The following PHF21A variants were observed in gnomAD, a reference collection of about 807,000 sequenced individuals.
PHF21A encodes the protein BHC80a.
A neutral mutation model predicts 82.5 loss-of-function variants in PHF21A; 11 were observed. The ratio of observed to expected loss-of-function variants is 0.13; its 90% CI spans 0.08 to 0.22. The LOEUF (loss-of-function observed/expected upper bound fraction) is 0.22, where lower values mean the gene tolerates loss of function less well. Ranked by LOEUF, PHF21A falls within the 10% of genes least tolerant of loss-of-function variation. PHF21A has a pLI of 1.00. For synonymous variants in PHF21A, 297 were observed against 302.8 expected (o/e 0.98, Z 0.20); for missense variants, 579 against 837.8 (o/e 0.69, Z 3.81).
At chr11:46,077,700 A>G (rs1192753709) in intron 5 of PHF21A, among the ~76,000 whole-genome samples, 1 of 152,188 alleles carries the variant, frequency 6.6e-6, no homozygotes, top group Non-Finnish European at 1.5e-5. Context: ...CTCCAATGAG[A>G]TCACCCACAC....
At chr11:46,076,885 G>T in intron 5 of PHF21A, 66 bp from the exon 6 acceptor site, 1 of 1,261,782 alleles carries the variant, frequency 7.9e-7, no homozygotes, top group Non-Finnish European at 1.2e-6. Flanking sequence ...GTAGCAGGAA[G>T]ACTATGCATA....
In PHF21A at chr11:46,059,989, C is replaced by G. The variant is rs543374951; in HGVS notation, c.153+16765G>C. Among the ~76,000 whole-genome samples, 176 of 152,254 alleles carry G rather than the reference C, an allele frequency of 1.2e-3. 1 individual carries two copies. Among genetic ancestry groups the G allele is most frequent in the African/African-American group, 3.9e-3 (164 of 41,546 alleles). On this transcript the variant is annotated intron_variant, in intron 6 of 18. Transcript: ENST00000676320. ...AAACTCCTGACCTCAGGTGATCCAC[C>G]CACCTCGGCCTCCAAAGCGCTGGGA...
At chr11:45,964,538 C>T (rs993157954) in intron 10 of PHF21A, among the ~76,000 whole-genome samples, 5 of 152,144 alleles carry the variant, frequency 3.3e-5, no homozygotes, top group Admixed American at 2.6e-4. Flanking sequence ...CAAGACTGAA[C>T]AATTAGAAAT....
chr11:46,056,299 C>G (rs917978326), intron 6 of PHF21A, among the ~76,000 whole-genome samples: 3 of 152,198 alleles, frequency 2.0e-5, no homozygotes, highest in Middle Eastern at 3.4e-3. Context: ...GCAGGGGATT[C>G]AGAGAGTAAA....
At chr11:45,945,629 G>C (rs2091175958) in intron 15 of PHF21A, among the ~76,000 whole-genome samples, 1 of 152,120 alleles carries the variant, frequency 6.6e-6, no homozygotes, top group African/African-American at 2.4e-5. Flanking sequence ...TGAGTTCCAT[G>C]AGGTTATATT....
At chr11:46,044,454 T>C (rs1220267068) in intron 6 of PHF21A, among the ~76,000 whole-genome samples, 1 of 151,920 alleles carries the variant, frequency 6.6e-6, no homozygotes, top group Non-Finnish European at 1.5e-5. Context: ...CCCTCCCCTT[T>C]CCACCCCCAT....
intron 11 of PHF21A, among the ~76,000 whole-genome samples, chr11:45,951,452 C>G (rs1415467782): frequency 6.6e-6 from 1 of 152,202 alleles, no homozygotes; most frequent in African/African-American, 2.4e-5. Context: ...TTTCTTATTT[C>G]AAAAACTGAG....
intron 10 of PHF21A, among the ~76,000 whole-genome samples, chr11:45,961,635 C>T (rs1273700461): frequency 2.9e-5 from 1 of 35,018 alleles, no homozygotes; most frequent in African/African-American, 5.8e-5. Flanking sequence ...TCTGAATTGA[C>T]GACATGTTAC....
chr11:46,033,500 G>A (rs2095911974), intron 6 of PHF21A, among the ~76,000 whole-genome samples: 1 of 152,178 alleles, frequency 6.6e-6, no homozygotes, highest in South Asian at 2.1e-4. Context: ...CTGGGCTCAA[G>A]CAATCCACCG....
At chr11:45,935,014 C>T (rs2088525488) in intron 18 of PHF21A, 1 of 838,218 alleles carries the variant, frequency 1.2e-6, no homozygotes, top group Admixed American at 2.3e-5. Flanking sequence ...GGGTGACCTA[C>T]TCAATGGAAA....
chr11:46,015,435 G>C (rs1471743809), intron 6 of PHF21A, among the ~76,000 whole-genome samples: 1 of 151,950 alleles, frequency 6.6e-6, no homozygotes, highest in South Asian at 2.1e-4. Flanking sequence ...TTCCAGAAAA[G>C]TATTTCCAAG....
At chr11:46,030,980 TC>T (rs1483966543) in intron 6 of PHF21A, among the ~76,000 whole-genome samples, 3 of 152,002 alleles carry the variant, frequency 2.0e-5, no homozygotes, top group Non-Finnish European at 4.4e-5. Context: ...TAAATAAATG[TC>T]CTAAAATGCA....
intron 1 of PHF21A, among the ~76,000 whole-genome samples, chr11:46,119,197 C>CTA: frequency 6.6e-6 from 1 of 152,252 alleles, no homozygotes; most frequent in East Asian, 1.9e-4. Flanking sequence ...TCTTCCCTCT[C>CTA]TAACTTTCCC....
In PHF21A at chr11:45,933,342, C is replaced by A; in HGVS notation, c.*626G>T. 6.5e-6 allele frequency: 1 copy of A among 152,782 alleles called. No homozygotes were observed. The highest frequency in any genetic ancestry group is 2.4e-5 in the African/African-American group (1 of 41,562). 9.5% of individuals were successfully genotyped at this position (152,782 alleles called of 1,614,324 possible). A position where few individuals can be genotyped will look rare whatever the true frequency, so the allele number is the denominator to read the frequency against. ...AGAACCTACTGGCTGTTCTTGGTGT[C>A]AGTCTCCCCTTGCACGAGGCCCCCG... On this transcript the variant is annotated 3_prime_UTR_variant, in exon 19 of 19. Coordinates refer to ENST00000676320, the MANE Select transcript of PHF21A (RefSeq NM_001352027.3).
At chr11:46,085,954 A>G (rs1291057088) in intron 3 of PHF21A, among the ~76,000 whole-genome samples, 1 of 152,162 alleles carries the variant, frequency 6.6e-6, no homozygotes, top group African/African-American at 2.4e-5. Flanking sequence ...TAAATTCCAA[A>G]AGTGCAAAAT....
At chr11:45,956,326 A>G (rs1282442124) in intron 10 of PHF21A, among the ~76,000 whole-genome samples, 3 of 152,240 alleles carry the variant, frequency 2.0e-5, no homozygotes, top group African/African-American at 4.8e-5. Flanking sequence ...TATGACTTAA[A>G]TGCACAAAGT....
chr11:46,023,397 C>T (rs1055238277), intron 6 of PHF21A, among the ~76,000 whole-genome samples: 11 of 152,134 alleles, frequency 7.2e-5, no homozygotes, highest in African/African-American at 2.4e-4. Flanking sequence ...GGTAACATTT[C>T]GGAACCAGAC....
At chr11:46,018,541 T>C (rs1014028514) in intron 6 of PHF21A, among the ~76,000 whole-genome samples, 12 of 152,252 alleles carry the variant, frequency 7.9e-5, no homozygotes, top group African/African-American at 2.9e-4. Flanking sequence ...ACAGCTATCC[T>C]GAAATAGCCG....
chr11:45,942,867 T>C (rs1028103639), intron 15 of PHF21A, among the ~76,000 whole-genome samples: 1 of 152,176 alleles, frequency 6.6e-6, no homozygotes, highest in Non-Finnish European at 1.5e-5. Flanking sequence ...AGCTCTGTAA[T>C]TCACCAAATA....
Sources: gnomAD v4.1 joint callset for allele counts (sites outside exome capture counted in the v4.1 genomes callset) on GRCh38, gnomAD v4.1.1 for gene constraint, MANE v1.5 for transcripts, NCBI Gene and HGNC (gene_info 2026-07-23, HGNC 2026-07-21) for gene names.